TMCO5A: variants seen among roughly 807,000 people sequenced by gnomAD.
The protein encoded by TMCO5A is transmembrane and coiled-coil domain-containing protein 5A.
TMCO5A carries 34 observed loss-of-function variants against 42.3 expected under a neutral mutation model. The observed-to-expected ratio is 0.80, with a 90% CI of 0.61 to 1.07. The LOEUF (loss-of-function observed/expected upper bound fraction) is 1.07, where lower values mean the gene tolerates loss of function less well. Ranked by LOEUF, TMCO5A falls within the 50% of genes least tolerant of loss-of-function variation. TMCO5A has a pLI of 0.00. For synonymous variants in TMCO5A, 131 were observed against 115.6 expected, an observed-to-expected ratio of 1.13 and a Z score of -0.86; for missense variants, 357 against 327.9, an observed-to-expected ratio of 1.09 and a Z score of -0.69.
the TMCO5A span, among the ~76,000 whole-genome samples, chr15:37,991,529 G>A: frequency 1.3e-5 from 2 of 151,984 alleles, no homozygotes; most frequent in African/African-American, 4.8e-5. Flanking sequence ...TTCTTTCTCT[G>A]AATACTCTCT....
the TMCO5A span, among the ~76,000 whole-genome samples, chr15:37,978,972 A>G: frequency 1.3e-5 from 2 of 151,656 alleles, no homozygotes; most frequent in African/African-American, 4.9e-5. Context: ...TAAAAACCTG[A>G]TCTAGTGAGA....
chr15:38,018,209 A>G, the TMCO5A span, among the ~76,000 whole-genome samples: 1 of 152,212 alleles, frequency 6.6e-6, no homozygotes, highest in African/African-American at 2.4e-5. Context: ...GCAAGCCTTT[A>G]CTGGTAAACA....
intron 11 of TMCO5A, among the ~76,000 whole-genome samples, chr15:37,959,677 G>A (rs1450795801): frequency 6.6e-6 from 1 of 151,910 alleles, no homozygotes; most frequent in Non-Finnish European, 1.5e-5. Flanking sequence ...GAGATAGAAA[G>A]AACATAGCTC....
the TMCO5A span, among the ~76,000 whole-genome samples, chr15:38,033,743 A>T: frequency 2.6e-5 from 4 of 152,140 alleles, no homozygotes; most frequent in South Asian, 8.3e-4. Flanking sequence ...TCTCCTGAGT[A>T]GCTGGGATTA....
chr15:38,015,541 T>C, the TMCO5A span, among the ~76,000 whole-genome samples: 3 of 152,134 alleles, frequency 2.0e-5, no homozygotes, highest in Non-Finnish European at 2.9e-5. Context: ...CTATAAATCA[T>C]ATTCTTTGGT....
At chr15:37,946,102 C>T (rs186725762) in intron 10 of TMCO5A, among the ~76,000 whole-genome samples, 66 of 152,260 alleles carry the variant, frequency 4.3e-4, no homozygotes, top group Admixed American at 3.9e-3. Flanking sequence ...CCAGTTTTCC[C>T]AGTATCATTT....
At chr15:37,946,295 G>A (rs1042053421) in intron 10 of TMCO5A, among the ~76,000 whole-genome samples, 22 of 152,232 alleles carry the variant, frequency 1.4e-4, no homozygotes, top group East Asian at 7.7e-4. Flanking sequence ...GTCAGGTAGC[G>A]TGATGACTCT....
chr15:38,028,253 G>A, the TMCO5A span, among the ~76,000 whole-genome samples: 3 of 152,164 alleles, frequency 2.0e-5, no homozygotes, highest in Non-Finnish European at 4.4e-5. Context: ...TATAGACAAC[G>A]TAAAATATAT....
intron 11 of TMCO5A, among the ~76,000 whole-genome samples, chr15:37,960,183 C>A (rs781600301): frequency 6.6e-6 from 1 of 151,760 alleles, no homozygotes; most frequent in African/African-American, 2.4e-5. Context: ...TCCCTCACCC[C>A]CTACCACTCT....
chr15:37,948,297 G>T (rs1386398283), intron 11 of TMCO5A, among the ~76,000 whole-genome samples: 2 of 151,984 alleles, frequency 1.3e-5, no homozygotes, highest in Non-Finnish European at 2.9e-5. Context: ...TCAAGAAAAG[G>T]TCAAATTATA....
At chr15:38,005,631 CAA>C in the TMCO5A span, among the ~76,000 whole-genome samples, 1 of 151,938 alleles carries the variant, frequency 6.6e-6, no homozygotes, top group Non-Finnish European at 1.5e-5. Context: ...CAACTTAGAG[CAA>C]AGTTAATACA....
At chr15:38,015,326 C>A in the TMCO5A span, among the ~76,000 whole-genome samples, 1 of 152,006 alleles carries the variant, frequency 6.6e-6, no homozygotes, top group Non-Finnish European at 1.5e-5. Flanking sequence ...CAATAAGATA[C>A]GAATACCCAC....
intron 11 of TMCO5A, among the ~76,000 whole-genome samples, chr15:37,964,736 T>C (rs961619343): frequency 6.6e-6 from 1 of 152,064 alleles, no homozygotes; most frequent in East Asian, 1.9e-4. Flanking sequence ...ATGAAAAATG[T>C]AAAACACTGA....
the TMCO5A span, among the ~76,000 whole-genome samples, chr15:37,990,049 G>A: frequency 6.6e-6 from 1 of 151,950 alleles, no homozygotes; most frequent in African/African-American, 2.4e-5. Flanking sequence ...ATCTATCATA[G>A]GTCTGTCCTG....
intron 11 of TMCO5A, among the ~76,000 whole-genome samples, chr15:37,962,074 T>C (rs929212888): frequency 2.9e-4 from 44 of 152,248 alleles, no homozygotes; most frequent in South Asian, 1.0e-3. Flanking sequence ...TACAGTACTA[T>C]GTTGAAGAGG....
chr15:37,942,229 A>G lies in TMCO5A; in HGVS notation c.543A>G (p.Leu181=). 6.2e-7 allele frequency: 1 copy of G among 1,613,022 alleles called. No homozygotes were observed. The highest frequency in any genetic ancestry group is 8.5e-7 in the Non-Finnish European group (1 of 1,179,300). ...QETLKKIEEE[L]EALFLEREVS... ...CGTTGAAGAAAATAGAAGAAGAACT[A>G]GAGGCTCTGTTCCTTGAGAGAGAAG... Residue 181 remains leucine (L), a synonymous_variant, in exon 9 of 12, where the codon CTA becomes CTG. Transcript: ENST00000319669.
At chr15:37,962,352 G>A (rs963651309) in intron 11 of TMCO5A, among the ~76,000 whole-genome samples, 13 of 151,980 alleles carry the variant, frequency 8.6e-5, no homozygotes, top group African/African-American at 3.1e-4. Flanking sequence ...ATTGACTTGT[G>A]TATATTAAAC....
chr15:37,988,270 A>G, the TMCO5A span, among the ~76,000 whole-genome samples: 1 of 152,000 alleles, frequency 6.6e-6, no homozygotes, highest in African/African-American at 2.4e-5. Flanking sequence ...TTTTCCATGT[A>G]TAAAATCATG....
chr15:38,020,855 G>C, the TMCO5A span, among the ~76,000 whole-genome samples: 1 of 152,024 alleles, frequency 6.6e-6, no homozygotes, highest in Non-Finnish European at 1.5e-5. Context: ...TTTGGTTTAA[G>C]AGAAATAAAA....
Sources: gnomAD v4.1 joint callset for allele counts (sites outside exome capture counted in the v4.1 genomes callset) on GRCh38, gnomAD v4.1.1 for gene constraint, MANE v1.5 for transcripts, NCBI Gene and HGNC (gene_info 2026-07-23, HGNC 2026-07-21) for gene names.